LIFR: variants seen among roughly 807,000 people sequenced by gnomAD.
LIFR encodes the protein leukemia inhibitory factor receptor.
In LIFR, 84 loss-of-function variants were observed where a neutral mutation model predicts 122.2. The observed-to-expected ratio is 0.69, with a 90% CI of 0.58 to 0.82. LIFR has a LOEUF of 0.82. Among genes scored for constraint, LIFR ranks in the 40% least tolerant of loss-of-function variants. The pLI is 0.00. For missense variants in LIFR, 1,294 were observed against 1,311.6 expected (o/e 0.99, Z 0.21); for synonymous variants, 422 against 434.7 (o/e 0.97, Z 0.36).
chr5:38,587,850 T>C lies in LIFR; in HGVS notation c.-20+7411A>G, dbSNP rs574351063. ...AGTCGGGGCAACTTATCAAAATCCATCAAAAGACCCTTCAAAAGCACATGT... is the reference window on the plus strand; with the variant it reads ...AGTCGGGGCAACTTATCAAAATCCACCAAAAGACCCTTCAAAAGCACATGT... On this transcript the variant is annotated intron_variant, in intron 1 of 19. Transcript: ENST00000263409. Among the ~76,000 whole-genome samples, 3 of 152,320 alleles carry C rather than the reference T, an allele frequency of 2.0e-5. No homozygotes were observed. The East Asian group carries it at 5.8e-4, about 29-fold the overall frequency.
chr5:38,602,414 G>C (rs976278184), intron 2 of LIFR, among the ~76,000 whole-genome samples: 1 of 152,018 alleles, frequency 6.6e-6, no homozygotes, highest in Non-Finnish European at 1.5e-5. Context: ...TCACTACCTG[G>C]AATGCCCCTT....
intron 1 of LIFR, among the ~76,000 whole-genome samples, chr5:38,573,738 G>T (rs372838402): frequency 2.0e-5 from 3 of 152,222 alleles, no homozygotes; most frequent in African/African-American, 4.8e-5. Context: ...TTACAAATCA[G>T]CATATATTTT....
intron 8 of LIFR, 26 bp from the exon 9 acceptor site, chr5:38,506,100 C>A (rs777876614): frequency 6.8e-7 from 1 of 1,478,432 alleles, no homozygotes; most frequent in South Asian, 1.2e-5. Flanking sequence ...AAAATAATTT[C>A]AAAATGGCAA....
chr5:38,496,742 C>G, intron 12 of LIFR, 147 bp from the exon 13 acceptor site: 1 of 689,076 alleles, frequency 1.5e-6, no homozygotes, highest in African/African-American at 1.8e-5. Flanking sequence ...GCACTTAGGC[C>G]GAGGCAGGTG....
chr5:38,598,222 T>A (rs1364131973), upstream of LIFR, among the ~76,000 whole-genome samples: 6 of 65,444 alleles, frequency 9.2e-5, no homozygotes, highest in African/African-American at 4.2e-4. Context: ...TTTTTTTTTT[T>A]TTTTTTTTTT....
chr5:38,521,774 C>G (rs991431769), intron 5 of LIFR, among the ~76,000 whole-genome samples: 4 of 152,106 alleles, frequency 2.6e-5, no homozygotes, highest in African/African-American at 9.7e-5. Context: ...GTGGGCCAGT[C>G]TTCAGGCCCG....
rs149967590 is a variant in LIFR, at chr5:38,541,692, T to C, written c.-19-11026A>G. Among the ~76,000 whole-genome samples, 103 of 152,300 alleles carry C rather than the reference T, an allele frequency of 6.8e-4. 1 individual carries two copies. The East Asian group carries it at 0.017, about 26-fold the overall frequency. On this transcript the variant is annotated intron_variant, in intron 1 of 19. Transcript: ENST00000453190. ...GTTGCATGAAGATATAGGAATCATA[T>C]CCAACTTATCTGTGGATGGAAAAAA...
chr5:38,569,120 A>G (rs949295219), intron 1 of LIFR, among the ~76,000 whole-genome samples: 1 of 152,220 alleles, frequency 6.6e-6, no homozygotes, highest in Non-Finnish European at 1.5e-5. Context: ...ACCATATCGC[A>G]ACACCCTGGT....
chr5:38,598,060 T>C (rs1223692636), upstream of LIFR, among the ~76,000 whole-genome samples: 1 of 151,904 alleles, frequency 6.6e-6, no homozygotes, highest in Non-Finnish European at 1.5e-5. Context: ...GATTAGACTC[T>C]AGAAATTCAC....
intron 1 of LIFR, among the ~76,000 whole-genome samples, chr5:38,539,897 A>G (rs1747494109): frequency 6.6e-6 from 1 of 152,194 alleles, no homozygotes; most frequent in African/African-American, 2.4e-5. Context: ...TCAATGAAAA[A>G]TTGGATTTAA....
intron 5 of LIFR, among the ~76,000 whole-genome samples, chr5:38,520,551 C>T (rs1440384105): frequency 6.6e-6 from 1 of 152,028 alleles, no homozygotes; most frequent in Non-Finnish European, 1.5e-5. Context: ...GTATTTTCCC[C>T]ATGTTTTATA....
chr5:38,488,351 G>A (rs1359613854), intron 16 of LIFR, among the ~76,000 whole-genome samples: 1 of 152,188 alleles, frequency 6.6e-6, no homozygotes, highest in African/African-American at 2.4e-5. Context: ...TTCTCAGACA[G>A]GCATTAAATA....
intron 1 of LIFR, among the ~76,000 whole-genome samples, chr5:38,580,465 A>T (rs1413938066): frequency 2.2e-4 from 33 of 152,062 alleles, no homozygotes; most frequent in Admixed American, 2.0e-3. Flanking sequence ...CTACTCCTTA[A>T]ATCATGGGGT....
At chr5:38,597,002 T>C (rs1001549234), upstream of LIFR, among the ~76,000 whole-genome samples, 3 of 152,218 alleles carry the variant, frequency 2.0e-5, no homozygotes, top group Admixed American at 2.0e-4. Context: ...TGGGACAGGA[T>C]GTCCCCATCA....
At chr5:38,520,167 A>G (rs1486067056) in intron 5 of LIFR, among the ~76,000 whole-genome samples, 2 of 152,142 alleles carry the variant, frequency 1.3e-5, no homozygotes, top group Non-Finnish European at 2.9e-5. Context: ...AGCCATTCTA[A>G]TAGAGGTGAG....
At chr5:38,583,767 A>T (rs1320802144) in intron 1 of LIFR, among the ~76,000 whole-genome samples, 1 of 152,204 alleles carries the variant, frequency 6.6e-6, no homozygotes, top group Non-Finnish European at 1.5e-5. Context: ...CTCATCTTGA[A>T]TTGTGACTCC....
intron 14 of LIFR, among the ~76,000 whole-genome samples, chr5:38,491,892 A>C (rs1020361273): frequency 9.9e-5 from 15 of 152,226 alleles, no homozygotes; most frequent in Admixed American, 9.2e-4. Flanking sequence ...CTGCATGTAC[A>C]TCTGTAAATC....
In LIFR at chr5:38,477,330, A is replaced by T. The variant is rs1743771655; in HGVS notation, c.*4265T>A. On this transcript the variant is annotated 3_prime_UTR_variant, in exon 20 of 20. Coordinates refer to ENST00000453190, the MANE Select transcript of LIFR (RefSeq NM_001127671.2). ...ATGAATGTTCTGTAACTTTGGCCAT[A>T]AATCATTTTCTTCTATGAAAATTTT... 4.6e-6 allele frequency: 1 copy of T among 217,900 alleles called. No homozygotes were observed. The highest frequency in any genetic ancestry group is 2.2e-5 in the African/African-American group (1 of 44,570). The allele number at this position is 217,900 out of a possible 1,614,324, so 13.5% of individuals were successfully genotyped here.
chr5:38,606,048 G>C (rs770555931), intron 2 of LIFR, among the ~76,000 whole-genome samples: 22 of 152,272 alleles, frequency 1.4e-4, no homozygotes, highest in Non-Finnish European at 3.1e-4. Flanking sequence ...GATAGTTGGG[G>C]TTCACAAGTG....
Sources: gnomAD v4.1 joint callset for allele counts (sites outside exome capture counted in the v4.1 genomes callset) on GRCh38, gnomAD v4.1.1 for gene constraint, MANE v1.5 for transcripts, NCBI Gene and HGNC (gene_info 2026-07-23, HGNC 2026-07-21) for gene names.